Variants in PCDHA12 observed in about 807,000 individuals in gnomAD.
PCDHA12 encodes the protein protocadherin alpha-12.
A neutral mutation model predicts 60.0 loss-of-function variants in PCDHA12; 44 were observed. The ratio of observed to expected loss-of-function variants is 0.73; its 90% CI spans 0.58 to 0.94. The LOEUF is 0.94. Ranked by LOEUF, PCDHA12 falls within the 40% of genes least tolerant of loss-of-function variation. The probability of loss-of-function intolerance (pLI) is 0.00; values close to 1 mark genes in which losing one functional copy is unlikely to be tolerated. For missense variants in PCDHA12, 1,276 were observed against 1,239.7 expected, an observed-to-expected ratio of 1.03 and a Z score of -0.44; for synonymous variants, 569 against 553.0, an observed-to-expected ratio of 1.03 and a Z score of -0.40.
At chr5:140,935,234 T>C (rs1160112983) in intron 1 of PCDHA12, among the ~76,000 whole-genome samples, 8 of 152,190 alleles carry the variant, frequency 5.3e-5, no homozygotes, top group Non-Finnish European at 1.2e-4. Context: ...GGATGTCTAT[T>C]TTTTAAAAGA....
intron 1 of PCDHA12, chr5:140,969,200 G>C (rs2096305926): frequency 1.2e-6 from 2 of 1,614,132 alleles, no homozygotes; most frequent in Non-Finnish European, 1.7e-6. Flanking sequence ...TTACAATACA[G>C]GGGCCCAGAC....
chr5:140,984,971 T>A (rs1437915679), intron 3 of PCDHA12, among the ~76,000 whole-genome samples: 1 of 152,080 alleles, frequency 6.6e-6, no homozygotes, highest in East Asian at 1.9e-4. Flanking sequence ...AGAGTCTCGC[T>A]CTGTCCCCCA....
chr5:140,929,065 C>G, intron 1 of PCDHA12: 1 of 1,614,194 alleles, frequency 6.2e-7, no homozygotes. Context: ...TACAGAGGAT[C>G]TGAGGTATGG....
intron 1 of PCDHA12, among the ~76,000 whole-genome samples, chr5:140,964,721 CA>C (rs1340678918): frequency 1.3e-5 from 2 of 151,598 alleles, no homozygotes; most frequent in African/African-American, 4.9e-5. Flanking sequence ...CAAATTACCA[CA>C]GCAAACTGAG....
intron 1 of PCDHA12, among the ~76,000 whole-genome samples, chr5:140,924,229 T>G (rs543275737): frequency 6.6e-6 from 1 of 152,258 alleles, no homozygotes; most frequent in Non-Finnish European, 1.5e-5. Flanking sequence ...TCAATTTTTA[T>G]GGGCTGTTTT....
intron 1 of PCDHA12, among the ~76,000 whole-genome samples, chr5:140,921,878 A>C (rs2153562324): frequency 6.6e-6 from 1 of 152,204 alleles, no homozygotes; most frequent in South Asian, 2.1e-4. Context: ...TATATATATA[A>C]GATTTTAGAA....
At chr5:140,984,980 C>T (rs1206801991) in intron 3 of PCDHA12, among the ~76,000 whole-genome samples, 1 of 152,092 alleles carries the variant, frequency 6.6e-6, no homozygotes, top group African/African-American at 2.4e-5. Context: ...CTCTGTCCCC[C>T]AGGCTGGAGT....
intron 1 of PCDHA12, chr5:140,882,358 G>A: frequency 1.9e-6 from 3 of 1,614,232 alleles, no homozygotes; most frequent in Non-Finnish European, 2.5e-6. Context: ...GTAGTGGCCA[G>A]CTCCACTACT....
chr5:140,883,262 G>T (rs1211665444), intron 1 of PCDHA12: 1 of 1,613,956 alleles, frequency 6.2e-7, no homozygotes. Flanking sequence ...TCCAATGGCG[G>T]GTCATTGTAC....
At chr5:140,919,674 G>C (rs1554199207) in intron 1 of PCDHA12, among the ~76,000 whole-genome samples, 1 of 151,886 alleles carries the variant, frequency 6.6e-6, no homozygotes, top group Non-Finnish European at 1.5e-5. Context: ...TTAGCTTATT[G>C]GTATCTGCTT....
intron 1 of PCDHA12, among the ~76,000 whole-genome samples, chr5:140,970,591 T>G (rs1159349152): frequency 2.6e-5 from 4 of 152,150 alleles, no homozygotes; most frequent in African/African-American, 9.7e-5. Flanking sequence ...GAGATATGCT[T>G]TGTGATACTT....
intron 1 of PCDHA12, among the ~76,000 whole-genome samples, chr5:140,901,039 A>G (rs1317910770): frequency 4.6e-5 from 7 of 152,086 alleles, no homozygotes; most frequent in Non-Finnish European, 8.8e-5. Flanking sequence ...TCTTTTGCCC[A>G]TTTTAAAATT....
chr5:140,969,529 T>C, intron 1 of PCDHA12: 1 of 1,377,800 alleles, frequency 7.3e-7, no homozygotes, highest in Non-Finnish European at 9.7e-7. Flanking sequence ...GTTTTATTTT[T>C]CATTTTCAGA....
intron 1 of PCDHA12, among the ~76,000 whole-genome samples, chr5:140,921,264 T>C (rs2080129104): frequency 6.6e-6 from 1 of 152,210 alleles, no homozygotes; most frequent in Non-Finnish European, 1.5e-5. Flanking sequence ...CCTAGACTTT[T>C]ATACTTACTT....
At chr5:140,878,028 G>A in intron 1 of PCDHA12, 189 bp downstream of exon 1, 1 of 666,892 alleles carries the variant, frequency 1.5e-6, no homozygotes, top group Non-Finnish European at 2.2e-6. Context: ...AAATATGTAG[G>A]TACAATGGAG....
intron 1 of PCDHA12, among the ~76,000 whole-genome samples, chr5:140,954,919 C>T (rs246021): frequency 4.6e-5 from 7 of 151,890 alleles, no homozygotes; most frequent in African/African-American, 1.7e-4. Flanking sequence ...TTATGAATTA[C>T]GTCTTTAATT....
chr5:140,999,877 G>A (rs1194481133), intron 3 of PCDHA12, among the ~76,000 whole-genome samples: 1 of 152,152 alleles, frequency 6.6e-6, no homozygotes, highest in Admixed American at 6.5e-5. Flanking sequence ...CTGAAAATTA[G>A]CCCAGCTGTA....
intron 1 of PCDHA12, among the ~76,000 whole-genome samples, chr5:140,922,606 T>C (rs1394298971): frequency 2.6e-5 from 4 of 152,176 alleles, no homozygotes; most frequent in African/African-American, 9.7e-5. Context: ...GTTGAAGATA[T>C]ATTAAAACTA....
At chr5:141,006,406 G>A (rs553100919) in intron 3 of PCDHA12, among the ~76,000 whole-genome samples, 1 of 152,050 alleles carries the variant, frequency 6.6e-6, no homozygotes, top group East Asian at 1.9e-4. Context: ...GTAGAGACGC[G>A]GTTTCACTGT....
Sources: gnomAD v4.1 joint callset for allele counts (sites outside exome capture counted in the v4.1 genomes callset) on GRCh38, gnomAD v4.1.1 for gene constraint, MANE v1.5 for transcripts, NCBI Gene and HGNC (gene_info 2026-07-23, HGNC 2026-07-21) for gene names.